The following TINAG variants were observed in gnomAD, a reference collection of about 807,000 sequenced individuals.
The protein encoded by TINAG is tubulointerstitial nephritis antigen.
In TINAG, 83 loss-of-function variants were observed where a neutral mutation model predicts 72.7. That is an observed-to-expected ratio of 1.14 (90% CI 0.96 to 1.37). The LOEUF is 1.37. TINAG is among the 40% of genes most tolerant of loss of function. The pLI, the probability that TINAG is intolerant of heterozygous loss-of-function variation, is 0.00. For synonymous variants in TINAG, 234 were observed against 189.9 expected (o/e 1.23, Z -1.91); for missense variants, 685 against 576.6 (o/e 1.19, Z -1.93).
At chr6:54,378,863 A>G (rs1389878542) in intron 9 of TINAG, among the ~76,000 whole-genome samples, 2 of 152,114 alleles carry the variant, frequency 1.3e-5, no homozygotes, top group Non-Finnish European at 1.5e-5. Context: ...ATGTTTTCTC[A>G]CACCCCAAAT....
At chr6:54,307,986 A>T, upstream of TINAG, 2 of 1,510,580 alleles carry the variant, frequency 1.3e-6, no homozygotes, top group Non-Finnish European at 1.8e-6. Context: ...TGGAGTACAG[A>T]TGGGAAATCA....
At chr6:54,340,088 C>A (rs1035290093) in intron 4 of TINAG, among the ~76,000 whole-genome samples, 2 of 152,054 alleles carry the variant, frequency 1.3e-5, no homozygotes, top group African/African-American at 4.8e-5. Flanking sequence ...ATACAATTCT[C>A]CAGTGTTTAT....
At chr6:54,336,032 C>A (rs1784857659) in intron 4 of TINAG, among the ~76,000 whole-genome samples, 1 of 152,028 alleles carries the variant, frequency 6.6e-6, no homozygotes, top group Admixed American at 6.6e-5. Flanking sequence ...CCTGGGGAAG[C>A]TCTTTCCTTC....
intron 10 of TINAG, 27 bp from the exon 11 acceptor site, chr6:54,389,764 C>A (rs1764194360): frequency 6.4e-7 from 1 of 1,561,014 alleles, no homozygotes; most frequent in African/African-American, 1.4e-5. Context: ...TGTTTCTCAA[C>A]TTTTTTGTTT....
chr6:54,373,477 G>T (rs1763691303), intron 9 of TINAG, among the ~76,000 whole-genome samples: 1 of 151,862 alleles, frequency 6.6e-6, no homozygotes, highest in Non-Finnish European at 1.5e-5. Flanking sequence ...TTTATTGCTT[G>T]TGTTATTATC....
chr6:54,313,595 T>C (rs1484275550), intron 1 of TINAG, among the ~76,000 whole-genome samples: 2 of 152,296 alleles, frequency 1.3e-5, no homozygotes, highest in East Asian at 3.9e-4. Flanking sequence ...TTTATTTTAA[T>C]TATACAGCAG....
In TINAG at chr6:54,320,381, T is replaced by C. The variant is rs574677246; in HGVS notation, c.356-198T>C. On this transcript the variant is annotated intron_variant, in intron 1 of 10. Coordinates refer to ENST00000259782, the MANE Select transcript of TINAG (RefSeq NM_014464.4). ...TGGAACATAATATGCAGTTTAAAGA[T>C]AAAAGCATTGAAACAAGCACAGAAG... Among the ~76,000 whole-genome samples the C allele has an allele frequency of 2.6e-5, 4 of 152,242 alleles. No individual in the cohort carries two copies. The South Asian group carries it at 6.2e-4, about 24-fold the overall frequency.
intron 3 of TINAG, 62 bp from the exon 4 acceptor site, chr6:54,326,740 T>C: frequency 1.7e-6 from 2 of 1,192,014 alleles, no homozygotes; most frequent in Non-Finnish European, 2.3e-6. Context: ...AATGTATTTA[T>C]AAAAGTGATG....
At chr6:54,356,872 A>C (rs931982204) in intron 9 of TINAG, among the ~76,000 whole-genome samples, 1 of 151,074 alleles carries the variant, frequency 6.6e-6, no homozygotes, top group Non-Finnish European at 1.5e-5. Context: ...CTCTGTAATC[A>C]TTTCTATTTC....
chr6:54,326,792 T>A lies in TINAG; in HGVS notation c.510-10T>A, dbSNP rs1360957061. 6.3e-7 allele frequency: 1 copy of A among 1,578,856 alleles called. No homozygotes were observed. The highest frequency in any genetic ancestry group is 2.0e-5 in the Admixed American group (1 of 50,556). On this transcript the variant is annotated splice_polypyrimidine_tract_variant and intron_variant, in intron 3 of 10. Coordinates refer to ENST00000259782, the MANE Select transcript of TINAG (RefSeq NM_014464.4). ...TATTTTTCTATATTTTTCTCTCATTTGTAAGGCAGATGGACAGCACAGAAT... is the reference window on the plus strand; with the variant it reads ...TATTTTTCTATATTTTTCTCTCATTAGTAAGGCAGATGGACAGCACAGAAT...
rs1243229820 is a variant in TINAG, at chr6:54,351,386, G to T, written c.1115G>T (p.Gly372Val). The T allele has an allele frequency of 6.2e-7, 1 of 1,610,176 alleles. No individual in the cohort carries two copies. The highest frequency in any genetic ancestry group is 1.7e-5 in the Admixed American group (1 of 59,654). ...TEIMKEIMQN[G>V]PVQAIMQVRE... is the part of the protein sequence containing the mutation. The stretch of plus-strand genomic sequence containing the variant: ...ATAATGAAAGAAATCATGCAAAATG[G>T]ACCAGTTCAAGGTAAGCTTGAATGA... Residue 372 changes from glycine (G) to valine (V), a missense_variant, in exon 8 of 11, where the codon GGA becomes GTA. Transcript: ENST00000259782.
chr6:54,387,431 A>G (rs549002659), intron 10 of TINAG, among the ~76,000 whole-genome samples: 48 of 152,186 alleles, frequency 3.2e-4, no homozygotes, highest in Admixed American at 1.1e-3. Flanking sequence ...CATATGCCAA[A>G]CATAGATGAA....
intron 9 of TINAG, among the ~76,000 whole-genome samples, chr6:54,367,347 A>C (rs1209362522): frequency 6.6e-6 from 1 of 151,808 alleles, no homozygotes; most frequent in African/African-American, 2.4e-5. Flanking sequence ...AATAACATTT[A>C]AAAAGTAAAA....
At chr6:54,310,874 T>A (rs1395467255) in intron 1 of TINAG, among the ~76,000 whole-genome samples, 1 of 122,278 alleles carries the variant, frequency 8.2e-6, no homozygotes, top group African/African-American at 3.2e-5. Context: ...TTTCTCTTTC[T>A]TTTTTTCTCT....
chr6:54,327,674 C>G lies in TINAG; in HGVS notation c.624+758C>G, dbSNP rs9474806. ...TGGTCTGGCTCAGCATATCCCACCC[C>G]CGCAGAGCCCAGCAAACTAAGATAC... On this transcript the variant is annotated intron_variant, in intron 4 of 10. Transcript: ENST00000259782. Among the ~76,000 whole-genome samples the G allele has an allele frequency of 2.5e-3, 385 of 152,262 alleles. 4 individuals carry two copies. The highest frequency in any genetic ancestry group is 8.8e-3 in the African/African-American group (366 of 41,546).
At chr6:54,348,245 TA>T (rs1230236200) in intron 6 of TINAG, among the ~76,000 whole-genome samples, 2 of 152,132 alleles carry the variant, frequency 1.3e-5, no homozygotes, top group Non-Finnish European at 2.9e-5. Flanking sequence ...TGGGTTGCAA[TA>T]AATTGCTTTA....
At chr6:54,358,355 A>G (rs1276438574) in intron 9 of TINAG, among the ~76,000 whole-genome samples, 4 of 151,884 alleles carry the variant, frequency 2.6e-5, no homozygotes, top group African/African-American at 7.2e-5. Context: ...ATGACGTTCC[A>G]TGAGAGCTGG....
At chr6:54,341,114 A>G (rs1784986344) in intron 4 of TINAG, among the ~76,000 whole-genome samples, 1 of 152,174 alleles carries the variant, frequency 6.6e-6, no homozygotes, top group Non-Finnish European at 1.5e-5. Context: ...TTAAGTTGAA[A>G]TTTTAAAGTG....
intron 4 of TINAG, among the ~76,000 whole-genome samples, chr6:54,333,150 T>C (rs1191244058): frequency 6.6e-6 from 1 of 152,178 alleles, no homozygotes; most frequent in African/African-American, 2.4e-5. Flanking sequence ...ATCATTCTAC[T>C]ATAAAGACAC....
Sources: allele counts gnomAD v4.1 joint callset (sites outside exome capture counted in the v4.1 genomes callset), GRCh38; gene constraint gnomAD v4.1.1; transcripts MANE v1.5; gene names NCBI Gene and HGNC (gene_info 2026-07-23, HGNC 2026-07-21).